PLEKHG2: variants seen among roughly 807,000 people sequenced by gnomAD.
The protein encoded by PLEKHG2 is pleckstrin homology and RhoGEF domain containing G2.
In PLEKHG2, 71 loss-of-function variants were observed where a neutral mutation model predicts 104.4. The observed-to-expected ratio is 0.68, with a 90% CI of 0.56 to 0.83. The LOEUF (loss-of-function observed/expected upper bound fraction) is 0.83. PLEKHG2 is among the 40% of genes least tolerant of loss of function. The pLI is 0.00. For missense variants in PLEKHG2, 1,730 were observed against 1,809.4 expected, an observed-to-expected ratio of 0.96 and a Z score of 0.80; for synonymous variants, 728 against 737.0, an observed-to-expected ratio of 0.99 and a Z score of 0.20.
Position 39,423,827 on chromosome 19 carries a change from G to A in PLEKHG2, c.2694G>A (p.Trp898Ter), listed in dbSNP as rs775923339. Residue 898 changes from tryptophan (W) to a stop codon, truncating the protein, a stop_gained, in exon 19 of 19, where the codon TGG becomes TGA. Transcript: ENST00000425673. LOFTEE classifies it low-confidence loss of function (END_TRUNC). ...QESVPLGPAV[W>*]VQAAIPLSKQ... is the part of the protein sequence containing the mutation. The stretch of plus-strand genomic sequence containing the variant: ...CTGTCCCCCTGGGTCCTGCTGTCTG[G>A]GTTCAAGCTGCCATACCTTTGTCAA... 1 of 1,614,186 alleles carries A rather than the reference G, an allele frequency of 6.2e-7. No individual in the cohort carries two copies. Among genetic ancestry groups the A allele is most frequent in the East Asian group, 2.2e-5 (1 of 44,888 alleles).
At chr19:39,417,866 T>A in intron 8 of PLEKHG2, 39 bp from the exon 9 acceptor site, 1 of 1,518,428 alleles carries the variant, frequency 6.6e-7, no homozygotes, top group Non-Finnish European at 8.8e-7. Flanking sequence ...TACCCATGCT[T>A]GTCTCTGCGC....
In PLEKHG2 at chr19:39,414,183, G is replaced by C. The variant is rs766426509; in HGVS notation, c.97G>C (p.Glu33Gln). The stretch of plus-strand genomic sequence containing the variant: ...AGTGTGTGACTGTGGCACCGTGTGT[G>C]AGACTCGGACAGGTGAGCCTAGAGG... ...GEVCDCGTVC[E>Q]TRTAPAAPTM... Residue 33 changes from glutamate (E) to glutamine (Q), a missense_variant, in exon 2 of 19, where the codon GAG (glutamate) becomes CAG (glutamine). Transcript: ENST00000425673. 6 of 1,551,410 alleles carry C rather than the reference G, an allele frequency of 3.9e-6. No homozygotes were observed. The highest frequency in any genetic ancestry group is 3.9e-5 in the Admixed American group (2 of 51,004).
Position 39,423,175 on chromosome 19 carries a change from C to A in PLEKHG2, c.2121C>A (p.Ala707=), listed in dbSNP as rs751389922. ...GPLQEPAEAP[A]TRRELFSGSN... ...TGCAGGAACCAGCTGAGGCTCCAGC[C>A]ACCAGGAGAGAACTGTTTTCTGGGA... The change falls in exon 18 of 19, where the codon GCC becomes GCA. Residue 707 remains alanine (A), a synonymous_variant. Transcript: ENST00000425673. The A allele has an allele frequency of 6.2e-7, 1 of 1,612,944 alleles. No homozygotes were observed. Among genetic ancestry groups the A allele is most frequent in the East Asian group, 2.2e-5 (1 of 44,874 alleles).
chr19:39,417,838 G>A (rs1448208706), intron 8 of PLEKHG2, 67 bp from the exon 9 acceptor site: 2 of 1,501,302 alleles, frequency 1.3e-6, no homozygotes, highest in African/African-American at 1.4e-5. Flanking sequence ...CTGTTTTGGT[G>A]TGTATGTGTG....
At chr19:39,419,363 G>T (rs1393803732) in intron 11 of PLEKHG2, among the ~76,000 whole-genome samples, 1 of 152,164 alleles carries the variant, frequency 6.6e-6, no homozygotes, top group South Asian at 2.1e-4. Flanking sequence ...TCGAGGGGGT[G>T]ATGTGGGAGG....
At position 39,424,899 on chromosome 19, in the gene PLEKHG2, TTGA is replaced by T; in HGVS notation, c.3767_3769del (p.Leu1256_Thr1257delinsSer). The T allele has an allele frequency of 6.2e-7, 1 of 1,614,228 alleles. No individual in the cohort carries two copies. The highest frequency in any genetic ancestry group is 8.5e-7 in the Non-Finnish European group (1 of 1,180,044). On this transcript the variant is annotated inframe_deletion, in exon 19 of 19. Coordinates refer to ENST00000425673, the MANE Select transcript of PLEKHG2 (RefSeq NM_022835.3). Reference sequence around the variant, plus strand: ...CGTTGCCAGGTTGGAGTCTTCAGACTTGACGCCACCTCATAGTCCCCCACCTTC... The same window carrying T: ...CGTTGCCAGGTTGGAGTCTTCAGACTCGCCACCTCATAGTCCCCCACCTTC...
chr19:39,416,221 C>A lies in PLEKHG2; in HGVS notation c.480-127C>A. 1.1e-6 allele frequency: 1 copy of A among 902,654 alleles called. No individual in the cohort carries two copies. The highest frequency in any genetic ancestry group is 1.5e-5 in the South Asian group (1 of 68,372). The allele number at this position is 902,654 out of a possible 1,614,324, so 55.9% of individuals were successfully genotyped here. On this transcript the variant is annotated intron_variant, in intron 4 of 18. Coordinates refer to ENST00000425673, the MANE Select transcript of PLEKHG2 (RefSeq NM_022835.3). This position sits in a 1 kb window ranked among gnomAD's most constrained non-coding sequence, Gnocchi z 4.5. ...ACCCTTCCTCCGGACATGACATCCC[C>A]TTAGGAGATGCTGGCAGTCAGCAAG...
Position 39,414,082 on chromosome 19 carries a change from C to G in PLEKHG2, c.-5C>G. The G allele has an allele frequency of 6.4e-7, 1 of 1,550,932 alleles. No individual in the cohort carries two copies. The highest frequency in any genetic ancestry group is 8.7e-7 in the Non-Finnish European group (1 of 1,146,600). On this transcript the variant is annotated 5_prime_UTR_variant, in exon 2 of 19. Coordinates refer to ENST00000425673, the MANE Select transcript of PLEKHG2 (RefSeq NM_022835.3). ...TTCTGCAGGACTCTGCTGGGCCGCT[C>G]AGCCATGCCTGAGGGAGCCCAAGGA...
rs778837879 is a variant in PLEKHG2, at chr19:39,426,634, C to T, written c.*1340C>T. ...CTTTACTTATTTGGTGTGGGTCCTC[C>T]CTCTGAGCCGGTTTTCTCATCTACA... On this transcript the variant is annotated 3_prime_UTR_variant, in exon 19 of 19. Transcript: ENST00000425673. 6.6e-6 allele frequency: 1 copy of T among 152,170 alleles called. No homozygotes were observed. The highest frequency in any genetic ancestry group is 1.5e-5 in the Non-Finnish European group (1 of 68,038). 9.4% of individuals were successfully genotyped at this position (152,170 alleles called of 1,614,324 possible). A position where few individuals can be genotyped will look rare whatever the true frequency, so the allele number is the denominator to read the frequency against.
Position 39,418,932 on chromosome 19 carries a change from G to A in PLEKHG2, c.1192G>A (p.Glu398Lys). The change falls in exon 11 of 19, where the codon GAG becomes AAG. Residue 398 changes from glutamate (E) to lysine (K), a missense_variant. Physicochemically the swap from Glu to Lys is moderately conservative, Grantham distance 56 (BLOSUM62 1). Coordinates refer to ENST00000425673, the MANE Select transcript of PLEKHG2 (RefSeq NM_022835.3). ...CCACTCCTAGGCCAAGAACCAAGAAGAGAAGAGGCTGTGGATTCACTGTCT... is the reference window on the plus strand; with the variant it reads ...CCACTCCTAGGCCAAGAACCAAGAAAAGAAGAGGCTGTGGATTCACTGTCT... ...RHLLQAKNQEEKRLWIHCLQR... is the reference protein window; with the variant it reads ...RHLLQAKNQEKKRLWIHCLQR... The A allele has an allele frequency of 6.2e-7, 1 of 1,612,556 alleles. No individual in the cohort carries two copies. The highest frequency in any genetic ancestry group is 8.5e-7 in the Non-Finnish European group (1 of 1,179,270).
chr19:39,424,100 T>G lies in PLEKHG2; in HGVS notation c.2967T>G (p.Pro989=), dbSNP rs2078745553. 6.2e-7 allele frequency: 1 copy of G among 1,613,982 alleles called. No individual in the cohort carries two copies. Among genetic ancestry groups the G allele is most frequent in the Non-Finnish European group, 8.5e-7 (1 of 1,179,958 alleles). ...EIQVPATTPL[P]EHRSHMVIPA... is the part of the protein sequence containing the mutation. ...AAGTTCCAGCCACCACTCCTTTGCCTGAGCATAGAAGTCACATGGTTATAC... is the reference window on the plus strand; with the variant it reads ...AAGTTCCAGCCACCACTCCTTTGCCGGAGCATAGAAGTCACATGGTTATAC... Residue 989 remains proline (P), a synonymous_variant, in exon 19 of 19, where the codon CCT becomes CCG. Coordinates refer to ENST00000425673, the MANE Select transcript of PLEKHG2 (RefSeq NM_022835.3).
At position 39,418,813 on chromosome 19, in the gene PLEKHG2, G is replaced by T. The variant is rs1185978472; in HGVS notation, c.1163G>T (p.Arg388Ile). ...TCTGATCTGACCATTCCCAAGCACA[G>T]ACACCTGCTCCAGGTGAGCATGTAG... ...KVSDLTIPKHRHLLQAKNQEE... is the reference protein window; with the variant it reads ...KVSDLTIPKHIHLLQAKNQEE... The change falls in exon 10 of 19, where the codon AGA (arginine) becomes ATA (isoleucine). Residue 388 changes from arginine to isoleucine, a missense_variant. Coordinates refer to ENST00000425673, the MANE Select transcript of PLEKHG2 (RefSeq NM_022835.3). 6.2e-7 allele frequency: 1 copy of T among 1,609,804 alleles called. No homozygotes were observed. The highest frequency in any genetic ancestry group is 1.7e-5 in the Admixed American group (1 of 59,924).
At position 39,413,319 on chromosome 19, in the gene PLEKHG2, C is replaced by T. The variant is rs1227473363; in HGVS notation, c.-116C>T. On this transcript the variant is annotated 5_prime_UTR_variant, in exon 1 of 19. Coordinates refer to ENST00000425673, the MANE Select transcript of PLEKHG2 (RefSeq NM_022835.3). This position sits in a 1 kb window ranked among gnomAD's most constrained non-coding sequence, Gnocchi z 4.5. ...GGAGCCTGAGAGCCCGAAGTTCACG[C>T]CCCTGAGTCTGGGCTCCGCACCTCC... 3.3e-5 allele frequency: 5 copies of T among 152,274 alleles called. No individual in the cohort carries two copies. Among genetic ancestry groups the T allele is most frequent in the African/African-American group, 1.2e-4 (5 of 41,460 alleles). 9.4% of individuals were successfully genotyped at this position (152,274 alleles called of 1,614,324 possible).
Position 39,424,747 on chromosome 19 carries a change from A to C in PLEKHG2, c.3614A>C (p.Asp1205Ala). ...TPSLEQKSLI[D>A]AHVPAATPLP... is the part of the protein sequence containing the mutation. ...TCGTTGGAGCAGAAGAGCCTCATAG[A>C]TGCCCATGTTCCAGCTGCCACACCT... The change falls in exon 19 of 19, where the codon GAT becomes GCT. Residue 1205 changes from aspartate to alanine, a missense_variant. Transcript: ENST00000425673. 6.2e-7 allele frequency: 1 copy of C among 1,614,182 alleles called. No individual in the cohort carries two copies. Among genetic ancestry groups the C allele is most frequent in the Non-Finnish European group, 8.5e-7 (1 of 1,180,030 alleles).
rs539936502 is a variant in PLEKHG2, at chr19:39,421,112, C to T, written c.1485C>T (p.Asn495=). The T allele has an allele frequency of 3.1e-5, 45 of 1,457,434 alleles. No homozygotes were observed. The highest frequency in any genetic ancestry group is 2.6e-4 in the South Asian group (23 of 89,132). 90.3% of individuals were successfully genotyped at this position (1,457,434 alleles called of 1,614,324 possible). A position where few individuals can be genotyped will look rare whatever the true frequency, so the allele number is the denominator to read the frequency against. Residue 495 remains asparagine (N), a splice_region_variant and synonymous_variant, in exon 15 of 19, where the codon AAC becomes AAT. Transcript: ENST00000425673. ...VKDPYVMFPQ[N]AKPGFKHAGS... is the part of the protein sequence containing the mutation. ...ACCCTTATGTCATGTTCCCACAGAACGGTCAGTGACTGCCCCGGTTCAGCC... is the reference window on the plus strand; with the variant it reads ...ACCCTTATGTCATGTTCCCACAGAATGGTCAGTGACTGCCCCGGTTCAGCC...
Position 39,422,305 on chromosome 19 carries a change from A to G in PLEKHG2, c.1677+17A>G, listed in dbSNP as rs746257384. ...GATCCAGGGGTGAGCTGGCTGTCCC[A>G]TCATGGTGTCCTTGGGCCTCTGGGT... On this transcript the variant is annotated intron_variant, in intron 17 of 18. Coordinates refer to ENST00000425673, the MANE Select transcript of PLEKHG2 (RefSeq NM_022835.3). 3.1e-5 allele frequency: 50 copies of G among 1,605,768 alleles called. No individual in the cohort carries two copies. Among genetic ancestry groups the G allele is most frequent in the Non-Finnish European group, 3.4e-5 (40 of 1,176,154 alleles).
Position 39,420,611 on chromosome 19 carries a change from C to T in PLEKHG2, c.1264-15C>T, listed in dbSNP as rs779909957. On this transcript the variant is annotated splice_polypyrimidine_tract_variant and intron_variant, in intron 11 of 18. Coordinates refer to ENST00000425673, the MANE Select transcript of PLEKHG2 (RefSeq NM_022835.3). ...AAGATCGACCCACCTCAGCCCTCAT[C>T]CTCCTGTCTTTCAGGCAAAGCAAGT... The T allele has an allele frequency of 9.9e-6, 16 of 1,614,026 alleles. No individual in the cohort carries two copies. Among genetic ancestry groups the T allele is most frequent in the Middle Eastern group, 1.6e-4 (1 of 6,080 alleles).
chr19:39,416,389 G>C lies in PLEKHG2; in HGVS notation c.521G>C (p.Gly174Ala), dbSNP rs1414860979. 1 of 1,613,116 alleles carries C rather than the reference G, an allele frequency of 6.2e-7. No individual in the cohort carries two copies. Among genetic ancestry groups the C allele is most frequent in the South Asian group, 1.1e-5 (1 of 91,040 alleles). The change falls in exon 5 of 19, where the codon GGT becomes GCT. Residue 174 changes from glycine (G) to alanine (A), a missense_variant. Transcript: ENST00000425673. This position sits in a 1 kb window ranked among gnomAD's most constrained non-coding sequence, Gnocchi z 4.5. Reference protein sequence around the residue: ...EDLENSSSAGGIAECFVQRSE... With the variant: ...EDLENSSSAGAIAECFVQRSE... ...TTGGAGAACAGCAGCAGCGCCGGGG[G>C]TATTGCCGAGTGCTTCGTGCAGAGG...
At chr19:39,418,609 T>A in intron 9 of PLEKHG2, 125 bp from the exon 10 acceptor site, 1 of 678,720 alleles carries the variant, frequency 1.5e-6, no homozygotes, top group Non-Finnish European at 2.5e-6. Flanking sequence ...AAACCCACCA[T>A]ACAGCCTTAT....
Sources: gnomAD v4.1 joint callset for allele counts (sites outside exome capture counted in the v4.1 genomes callset) on GRCh38, gnomAD v4.1.1 for gene constraint, Gnocchi (gnomAD v3.1) non-coding constraint, MANE v1.5 for transcripts, NCBI Gene and HGNC (gene_info 2026-07-23, HGNC 2026-07-21) for gene names.